The following MMD variants were observed in gnomAD, a reference collection of about 807,000 sequenced individuals.
The protein encoded by MMD is monocyte to macrophage differentiation factor.
In MMD, 22 loss-of-function variants were observed where a neutral mutation model predicts 33.6. That is an observed-to-expected ratio of 0.66 (90% CI 0.47 to 0.94). The LOEUF (loss-of-function observed/expected upper bound fraction) is 0.94, where lower values mean the gene tolerates loss of function less well. MMD is among the 40% of genes least tolerant of loss of function. MMD has a pLI of 0.00. For missense variants in MMD, 242 were observed against 309.8 expected (o/e 0.78, Z 1.64); for synonymous variants, 97 against 103.2 (o/e 0.94, Z 0.36).
At chr17:55,420,868 AG>A (rs1370466202) in intron 1 of MMD, among the ~76,000 whole-genome samples, 1 of 152,106 alleles carries the variant, frequency 6.6e-6, no homozygotes, top group Non-Finnish European at 1.5e-5. Context: ...GGAGCCCCAG[AG>A]GGGAGTAAGG....
chr17:55,402,087 C>CAAA (rs55724383), intron 5 of MMD, among the ~76,000 whole-genome samples: 10 of 92,024 alleles, frequency 1.1e-4, no homozygotes, highest in African/African-American at 3.5e-4. Context: ...GACTCAGTCT[C>CAAA]AAAAAAAAAA....
chr17:55,404,373 T>C, intron 4 of MMD: 29 of 807,306 alleles, frequency 3.6e-5, no homozygotes, highest in Non-Finnish European at 4.2e-5. Flanking sequence ...AAAGAATTAG[T>C]TTCAACATGG....
chr17:55,421,311 G>C (rs528854532), intron 1 of MMD, among the ~76,000 whole-genome samples: 1 of 152,372 alleles, frequency 6.6e-6, no homozygotes, highest in Admixed American at 6.5e-5. Context: ...CCCGGGGCTG[G>C]GGTTCGGGTT....
At chr17:55,401,961 C>T (rs1316854299) in intron 5 of MMD, among the ~76,000 whole-genome samples, 3 of 150,912 alleles carry the variant, frequency 2.0e-5, no homozygotes, top group African/African-American at 7.3e-5. Flanking sequence ...CCCAGCTACT[C>T]GGGGAGATGA....
In MMD at chr17:55,407,796, C is replaced by T; in HGVS notation, c.294G>A (p.Met98Ile). The change falls in exon 4 of 7, where the codon ATG becomes ATA. Residue 98 changes from methionine (M) to isoleucine (I), a missense_variant. By Grantham distance (10) the Met-to-Ile change is conservative. Coordinates refer to ENST00000262065, the MANE Select transcript of MMD (RefSeq NM_012329.3). ...AGAAATAGATAACCATTCTATCACACATGTGAAAACAATGCTCCACTGTCC... is the reference window on the plus strand; with the variant it reads ...AGAAATAGATAACCATTCTATCACATATGTGAAAACAATGCTCCACTGTCC... ...HLRTVEHCFHMCDRMVIYFFI... is the reference protein window; with the variant it reads ...HLRTVEHCFHICDRMVIYFFI... The T allele has an allele frequency of 6.3e-7, 1 of 1,594,464 alleles. No homozygotes were observed. The highest frequency in any genetic ancestry group is 1.1e-5 in the South Asian group (1 of 87,042).
intron 4 of MMD, 59 bp downstream of exon 4, chr17:55,407,687 G>A: frequency 1.4e-6 from 2 of 1,463,536 alleles, no homozygotes; most frequent in Non-Finnish European, 9.5e-7. Flanking sequence ...AGGAAAGGAG[G>A]AGTGAGGAAT....
rs1387176940 is a variant in MMD, at chr17:55,421,734, T to C, written c.-39A>G. 15 of 1,568,650 alleles carry C rather than the reference T, an allele frequency of 9.6e-6. No individual in the cohort carries two copies. Among genetic ancestry groups the C allele is most frequent in the Non-Finnish European group, 1.2e-5 (14 of 1,160,638 alleles). On this transcript the variant is annotated 5_prime_UTR_variant, in exon 1 of 7. Coordinates refer to ENST00000262065, the MANE Select transcript of MMD (RefSeq NM_012329.3). ...CTCCTCGGGGGCCAGGAGCTCCGTCTCGTCAGCACCGGCGGCCGGGCGCGC... is the reference window on the plus strand; with the variant it reads ...CTCCTCGGGGGCCAGGAGCTCCGTCCCGTCAGCACCGGCGGCCGGGCGCGC...
At chr17:55,420,118 G>A (rs1908120882) in intron 1 of MMD, 1 of 152,122 alleles carries the variant, frequency 6.6e-6, no homozygotes, top group South Asian at 2.1e-4. Flanking sequence ...AGGATCCAAA[G>A]GTATAGGTAA....
rs146970201 is a variant in MMD at position 55,411,397 on chromosome 17, G to A, written c.129C>T (p.Ile43=). The change falls in exon 3 of 7, where the codon ATC becomes ATT. Residue 43 remains isoleucine (I), a synonymous_variant. Coordinates refer to ENST00000262065, the MANE Select transcript of MMD (RefSeq NM_012329.3). Reference sequence around the variant, plus strand: ...GCCGATGGAGGAGGGCACTGCCCACGATGGCCGGAACAATGAGGAACTGAG... The same window carrying A: ...GCCGATGGAGGAGGGCACTGCCCACAATGGCCGGAACAATGAGGAACTGAG... ...YTHAFLIVPA[I]VGSALLHRLS... is the part of the protein sequence containing the mutation. The A allele has an allele frequency of 8.1e-5, 130 of 1,613,392 alleles. No homozygotes were observed. The highest frequency in any genetic ancestry group is 1.0e-4 in the Non-Finnish European group (119 of 1,179,812).
intron 4 of MMD, among the ~76,000 whole-genome samples, chr17:55,405,501 A>G (rs1907510590): frequency 6.6e-6 from 1 of 152,216 alleles, no homozygotes; most frequent in Non-Finnish European, 1.5e-5. Flanking sequence ...CTACAGGTAA[A>G]CAAATTGCCT....
In MMD at chr17:55,414,182, T is replaced by G; in HGVS notation, c.77A>C (p.Tyr26Ser). ...TGTGTAACAGTTAGCAGCATGTTCA[T>G]AGCAAGTTGGCTTGTAGCGGCCATT... ...PANGRYKPTC[Y>S]EHAANCYTHA... is the part of the protein sequence containing the mutation. The change falls in exon 2 of 7, where the codon TAT (tyrosine) becomes TCT (serine). Residue 26 changes from tyrosine to serine, a missense_variant. Transcript: ENST00000262065. 6.2e-7 allele frequency: 1 copy of G among 1,613,958 alleles called. No individual in the cohort carries two copies. Among genetic ancestry groups the G allele is most frequent in the Non-Finnish European group, 8.5e-7 (1 of 1,179,838 alleles).
chr17:55,401,817 T>C (rs564687436), intron 5 of MMD, among the ~76,000 whole-genome samples: 1 of 152,248 alleles, frequency 6.6e-6, no homozygotes, highest in East Asian at 1.9e-4. Flanking sequence ...CTCATGCCTG[T>C]AATCCCAGCA....
At position 55,421,821 on chromosome 17, in the gene MMD, G is replaced by C. The variant is rs1419728071; in HGVS notation, c.-126C>G. Reference sequence around the variant, plus strand: ...GCGTGTCCAGCGGAACCCTTCGGCCGGGTAGGGTCGGAGTGGGCCAGGCCG... The same window carrying C: ...GCGTGTCCAGCGGAACCCTTCGGCCCGGTAGGGTCGGAGTGGGCCAGGCCG... On this transcript the variant is annotated 5_prime_UTR_variant, in exon 1 of 7. Coordinates refer to ENST00000262065, the MANE Select transcript of MMD (RefSeq NM_012329.3). 11 of 1,162,994 alleles carry C rather than the reference G, an allele frequency of 9.5e-6. No individual in the cohort carries two copies. The East Asian group carries it at 2.9e-4, about 30-fold the overall frequency. The allele number at this position is 1,162,994 out of a possible 1,614,324, so 72.0% of individuals were successfully genotyped here.
In MMD at chr17:55,393,572, A is replaced by G. The variant is rs1906996492; in HGVS notation, c.*762T>C. On this transcript the variant is annotated 3_prime_UTR_variant, in exon 7 of 7. Coordinates refer to ENST00000262065, the MANE Select transcript of MMD (RefSeq NM_012329.3). ...GTTGGATCTTTTGAAAAAGTTAATG[A>G]TATCAAAATACTTTTCCATCACTGG... 1 of 152,810 alleles carries G rather than the reference A, an allele frequency of 6.5e-6. No homozygotes were observed. Among genetic ancestry groups the G allele is most frequent in the African/African-American group, 2.4e-5 (1 of 41,596 alleles). 9.5% of individuals were successfully genotyped at this position (152,810 alleles called of 1,614,324 possible). A position where few individuals can be genotyped will look rare whatever the true frequency, so the allele number is the denominator to read the frequency against.
intron 2 of MMD, among the ~76,000 whole-genome samples, chr17:55,411,986 A>G (rs538094250): frequency 1.1e-4 from 17 of 152,256 alleles, no homozygotes; most frequent in African/African-American, 4.1e-4. Context: ...CTGAGGTGGG[A>G]AGACTGCTTG....
intron 6 of MMD, among the ~76,000 whole-genome samples, chr17:55,399,921 G>A (rs1369010150): frequency 6.6e-6 from 1 of 152,014 alleles, no homozygotes; most frequent in Non-Finnish European, 1.5e-5. Flanking sequence ...ATACCCAGAG[G>A]GAATTTGCTT....
chr17:55,415,895 T>C (rs373665383), intron 1 of MMD, among the ~76,000 whole-genome samples: 9 of 152,382 alleles, frequency 5.9e-5, no homozygotes, highest in African/African-American at 1.9e-4. Context: ...TATAGTTAAC[T>C]ATTATTAAGC....
At chr17:55,407,907 T>C (rs1404369786) in intron 3 of MMD, 87 bp from the exon 4 acceptor site, 5 of 916,596 alleles carry the variant, frequency 5.5e-6, no homozygotes, top group African/African-American at 1.7e-5. Flanking sequence ...GCAATTTCCA[T>C]TCTTGTTCTA....
At chr17:55,411,694 G>GT (rs1214064245) in intron 2 of MMD, among the ~76,000 whole-genome samples, 369 of 140,284 alleles carry the variant, frequency 2.6e-3, no homozygotes, top group African/African-American at 9.8e-3. Flanking sequence ...CAAAACAGAT[G>GT]GTTTTTTTTT....
Sources: gnomAD v4.1 joint callset for allele counts (sites outside exome capture counted in the v4.1 genomes callset) on GRCh38, gnomAD v4.1.1 for gene constraint, MANE v1.5 for transcripts, NCBI Gene and HGNC (gene_info 2026-07-23, HGNC 2026-07-21) for gene names.